Variants in TRPM1 observed in about 807,000 individuals in gnomAD.
TRPM1 encodes transient receptor potential cation channel subfamily M member 1.
A neutral mutation model predicts 149.4 loss-of-function variants in TRPM1; 113 were observed. The observed-to-expected ratio is 0.76, with a 90% CI of 0.65 to 0.88. TRPM1 has a LOEUF of 0.88. Ranked by LOEUF, TRPM1 falls within the 40% of genes least tolerant of loss-of-function variation. The pLI is 0.00. For synonymous variants in TRPM1, 741 were observed against 759.5 expected, an observed-to-expected ratio of 0.98 and a Z score of 0.40; for missense variants, 1,976 against 2,038.7, an observed-to-expected ratio of 0.97 and a Z score of 0.59.
intron 21 of TRPM1, among the ~76,000 whole-genome samples, chr15:31,033,776 G>C (rs1157320794): frequency 6.6e-6 from 1 of 152,208 alleles, no homozygotes; most frequent in Non-Finnish European, 1.5e-5. Context: ...GTGTCTCGGT[G>C]TATGGTGGAC....
intron 13 of TRPM1, 125 bp downstream of exon 13, chr15:31,049,250 G>T: frequency 1.4e-6 from 2 of 1,403,192 alleles, no homozygotes; most frequent in Non-Finnish European, 2.0e-6. Flanking sequence ...GTAGCCGCCT[G>T]CCATTAAGTA....
intron 27 of TRPM1, 71 bp downstream of exon 27, chr15:31,026,068 C>T (rs185891779): frequency 2.5e-6 from 4 of 1,595,124 alleles, no homozygotes; most frequent in East Asian, 2.2e-5. Context: ...CTCTGGCATC[C>T]CCCATAGAGT....
At chr15:31,003,831 G>T (rs755198009) in intron 27 of TRPM1, among the ~76,000 whole-genome samples, 15 of 151,688 alleles carry the variant, frequency 9.9e-5, no homozygotes, top group Non-Finnish European at 1.9e-4. Context: ...AAAGAGCATG[G>T]GAGATTATAA....
chr15:31,035,880 G>T (rs973219609), intron 20 of TRPM1: 1 of 657,704 alleles, frequency 1.5e-6, no homozygotes, highest in Non-Finnish European at 2.7e-6. Context: ...ACTTCAGCAC[G>T]ATATGGGCCC....
chr15:31,037,999 A>G (rs749369979), intron 19 of TRPM1, 45 bp downstream of exon 19: 20 of 1,613,688 alleles, frequency 1.2e-5, no homozygotes, highest in Admixed American at 1.7e-5. Context: ...ACAATTTTGA[A>G]AACAAGATTA....
chr15:31,037,365 C>T (rs2033436467), intron 20 of TRPM1, among the ~76,000 whole-genome samples: 1 of 152,228 alleles, frequency 6.6e-6, no homozygotes, highest in Non-Finnish European at 1.5e-5. Context: ...TGAATTTGCT[C>T]TTTAAATCAC....
chr15:31,060,780 C>A, intron 10 of TRPM1, 136 bp from the exon 11 acceptor site: 1 of 751,474 alleles, frequency 1.3e-6, no homozygotes. Flanking sequence ...TGCTCTTGCC[C>A]TGAATGACCA....
upstream of TRPM1, among the ~76,000 whole-genome samples, chr15:31,105,178 C>T (rs1315741575): frequency 1.3e-5 from 2 of 152,212 alleles, no homozygotes; most frequent in African/African-American, 4.8e-5. Context: ...CTATTGTTCA[C>T]ATGGTCCCAG....
intron 1 of TRPM1, among the ~76,000 whole-genome samples, chr15:31,128,285 C>A (rs951853681): frequency 1.3e-5 from 2 of 152,160 alleles, no homozygotes; most frequent in African/African-American, 4.8e-5. Context: ...AGAACGCCAT[C>A]CCCCTGTCCT....
intron 3 of TRPM1, 55 bp from the exon 4 acceptor site, chr15:31,070,281 C>A: frequency 6.4e-7 from 1 of 1,553,984 alleles, no homozygotes; most frequent in Non-Finnish European, 8.9e-7. Flanking sequence ...CTTTCCCCTT[C>A]ATTAGCAAAA....
chr15:31,084,019 G>A (rs990495422), intron 1 of TRPM1, among the ~76,000 whole-genome samples: 1 of 152,226 alleles, frequency 6.6e-6, no homozygotes, highest in African/African-American at 2.4e-5. Context: ...AAATGCTGGA[G>A]GTCGTCACAG....
chr15:31,126,720 T>C (rs1460311775), intron 1 of TRPM1, among the ~76,000 whole-genome samples: 4 of 152,086 alleles, frequency 2.6e-5, no homozygotes, highest in Admixed American at 2.6e-4. Context: ...TCCCAGCACT[T>C]TGGGAGGCCA....
intron 1 of TRPM1, among the ~76,000 whole-genome samples, chr15:31,091,077 C>T (rs568062642): frequency 6.6e-6 from 1 of 152,340 alleles, no homozygotes; most frequent in South Asian, 2.1e-4. Context: ...GGTAATAGTT[C>T]TGCTTCTGTT....
intron 27 of TRPM1, 28 bp from the exon 28 acceptor site, chr15:31,003,098 T>G: frequency 6.4e-7 from 1 of 1,570,148 alleles, no homozygotes; most frequent in Non-Finnish European, 8.7e-7. Flanking sequence ...ATAGATTTAT[T>G]AAACTGAGAT....
intron 1 of TRPM1, among the ~76,000 whole-genome samples, chr15:31,100,504 G>C (rs529140302): frequency 6.6e-6 from 1 of 151,912 alleles, no homozygotes; most frequent in South Asian, 2.1e-4. Flanking sequence ...GCACAACTAT[G>C]ATGTACTAAT....
chr15:31,121,818 G>T (rs1411993956), intron 1 of TRPM1, among the ~76,000 whole-genome samples: 2 of 152,050 alleles, frequency 1.3e-5, no homozygotes, highest in African/African-American at 4.8e-5. Flanking sequence ...AACATTATAT[G>T]AGGCCAGCAT....
chr15:31,077,231 T>C (rs966115216), intron 2 of TRPM1, among the ~76,000 whole-genome samples: 4 of 152,178 alleles, frequency 2.6e-5, no homozygotes, highest in Non-Finnish European at 5.9e-5. Context: ...TGAAGATATT[T>C]TTTGTGCACG....
At chr15:31,110,679 G>A (rs2035672010) in intron 1 of TRPM1, among the ~76,000 whole-genome samples, 2 of 152,156 alleles carry the variant, frequency 1.3e-5, no homozygotes, top group African/African-American at 2.4e-5. Flanking sequence ...GATTCAGGAA[G>A]TGAGACCTCC....
chr15:31,003,101 A>T, intron 27 of TRPM1, 31 bp from the exon 28 acceptor site: 1 of 1,569,092 alleles, frequency 6.4e-7, no homozygotes, highest in East Asian at 2.2e-5. Flanking sequence ...GATTTATTAA[A>T]CTGAGATTAA....
Sources: gnomAD v4.1 joint callset for allele counts (sites outside exome capture counted in the v4.1 genomes callset) on GRCh38, gnomAD v4.1.1 for gene constraint, MANE v1.5 for transcripts, NCBI Gene and HGNC (gene_info 2026-07-23, HGNC 2026-07-21) for gene names.